The following MED12L variants were observed in gnomAD, a reference collection of about 807,000 sequenced individuals.
MED12L encodes the protein mediator complex subunit 12L, also known as mediator of RNA polymerase II transcription subunit 12-like protein.
In MED12L, 60 loss-of-function variants were observed where a neutral mutation model predicts 281.3. The ratio of observed to expected loss-of-function variants is 0.21; its 90% CI spans 0.17 to 0.26. The LOEUF (loss-of-function observed/expected upper bound fraction) is 0.26, where lower values mean the gene tolerates loss of function less well. Ranked by LOEUF, MED12L falls within the 10% of genes least tolerant of loss-of-function variation. MED12L has a pLI of 1.00. For synonymous variants in MED12L, 974 were observed against 987.2 expected, an observed-to-expected ratio of 0.99 and a Z score of 0.25; for missense variants, 2,146 against 2,680.9, an observed-to-expected ratio of 0.80 and a Z score of 4.41.
chr3:151,167,857 C>G (rs746345450), intron 11 of MED12L, among the ~76,000 whole-genome samples: 3 of 152,124 alleles, frequency 2.0e-5, no homozygotes, highest in Non-Finnish European at 2.9e-5. Context: ...GGTGAGTTAT[C>G]TGGAAGGAAA....
chr3:151,376,702 T>C (rs766798982), intron 28 of MED12L, 98 bp from the exon 29 acceptor site: 97 of 976,910 alleles, frequency 9.9e-5, no homozygotes, highest in Non-Finnish European at 1.4e-4. Flanking sequence ...TGTGTATGAT[T>C]ATTCTGCTCT....
intron 16 of MED12L, among the ~76,000 whole-genome samples, chr3:151,218,540 A>G (rs1020440759): frequency 1.3e-5 from 2 of 152,182 alleles, no homozygotes; most frequent in African/African-American, 4.8e-5. Context: ...GATCACATTT[A>G]AGAAAGATTC....
Position 151,385,054 on chromosome 3 carries a change from G to C in MED12L, c.4951G>C (p.Glu1651Gln). Residue 1651 changes from glutamate (E) to glutamine (Q), a missense_variant, in exon 36 of 45, where the codon GAA becomes CAA. This residue lies in a region of MED12L where 212 missense variants were observed against 340.8 expected (regional missense o/e 0.62). Coordinates refer to ENST00000687756, the MANE Select transcript of MED12L (RefSeq NM_001393769.1). ...LKKELGDKRS[E>Q]SIDKVRQLLP... ...GAAAGAGCTAGGAGACAAGCGATCAGAAAGTATTGACAAAGTTCGACAGTT... is the reference window on the plus strand; with the variant it reads ...GAAAGAGCTAGGAGACAAGCGATCACAAAGTATTGACAAAGTTCGACAGTT... 1 of 1,592,740 alleles carries C rather than the reference G, an allele frequency of 6.3e-7. No homozygotes were observed. The highest frequency in any genetic ancestry group is 2.2e-5 in the East Asian group (1 of 44,588).
rs1363295501 is a variant in MED12L at position 151,413,010 on chromosome 3, A to G, written c.6141-129A>G. On this transcript the variant is annotated intron_variant, in intron 41 of 44. Transcript: ENST00000687756. ...TATTTTAACCACTGGGCTTTAGTCT[A>G]TTTGAATTGTGCAAAGGATTATTGA... 9.7e-6 allele frequency: 10 copies of G among 1,029,708 alleles called. No individual in the cohort carries two copies. The East Asian group carries it at 1.5e-4, about 16-fold the overall frequency. The allele number at this position is 1,029,708 out of a possible 1,614,324, so 63.8% of individuals were successfully genotyped here.
intron 1 of MED12L, chr3:151,086,472 C>G (rs2148582281): frequency 6.7e-6 from 1 of 150,048 alleles, no homozygotes; most frequent in Non-Finnish European, 1.5e-5. Context: ...GCCTAGGCGC[C>G]AAGAAAAGTT....
In MED12L at chr3:151,411,290, G is replaced by C; in HGVS notation, c.5923G>C (p.Gly1975Arg). 1 of 1,614,156 alleles carries C rather than the reference G, an allele frequency of 6.2e-7. No individual in the cohort carries two copies. The highest frequency in any genetic ancestry group is 8.5e-7 in the Non-Finnish European group (1 of 1,180,020). Residue 1975 changes from glycine to arginine, a missense_variant, in exon 41 of 45, where the codon GGC (glycine) becomes CGC (arginine). By Grantham distance (125) the Gly-to-Arg change is moderately radical (BLOSUM62 -2). Transcript: ENST00000687756. ...GLQQAQTMPQ[G>R]YTMYGTQMPL... ...TGCCTACCTGCAGACCATGCCACAG[G>C]GCTATACAATGTATGGGACACAGAT...
At chr3:151,287,266 A>G (rs1246188283) in intron 16 of MED12L, among the ~76,000 whole-genome samples, 1 of 152,190 alleles carries the variant, frequency 6.6e-6, no homozygotes, top group Non-Finnish European at 1.5e-5. Context: ...CTCAGATGGC[A>G]CAAAGTAAGA....
chr3:151,306,547 G>C (rs1746683571), intron 16 of MED12L, among the ~76,000 whole-genome samples: 1 of 152,234 alleles, frequency 6.6e-6, no homozygotes, highest in Middle Eastern at 3.2e-3. Flanking sequence ...GGCTATGGGA[G>C]GACAACATCC....
intron 16 of MED12L, among the ~76,000 whole-genome samples, chr3:151,282,583 A>G (rs553684443): frequency 6.6e-6 from 1 of 152,316 alleles, no homozygotes; most frequent in South Asian, 2.1e-4. Context: ...ATTGTCCTCT[A>G]TAGGATCTCT....
At chr3:151,334,180 TTTTC>T (rs1015716059) in intron 16 of MED12L, among the ~76,000 whole-genome samples, 11 of 112,020 alleles carry the variant, frequency 9.8e-5, no homozygotes, top group Middle Eastern at 4.5e-3. Flanking sequence ...GTTATGTGTT[TTTTC>T]TTTCTTTCTT....
At chr3:151,327,885 A>G (rs747162326) in intron 16 of MED12L, 3 of 808,670 alleles carry the variant, frequency 3.7e-6, no homozygotes, top group Admixed American at 2.7e-5. Context: ...GGATAATAAA[A>G]TGTAAGAGAG....
intron 19 of MED12L, among the ~76,000 whole-genome samples, chr3:151,356,757 G>GCC (rs1560070853): frequency 6.6e-6 from 1 of 151,944 alleles, no homozygotes; most frequent in Admixed American, 6.6e-5. Context: ...GATTTGATTT[G>GCC]CCCCACTGTG....
At chr3:151,183,681 A>T (rs1047771613) in intron 11 of MED12L, among the ~76,000 whole-genome samples, 1 of 152,272 alleles carries the variant, frequency 6.6e-6, no homozygotes, top group Non-Finnish European at 1.5e-5. Context: ...TACTGATCAC[A>T]TACAGTTCTT....
chr3:151,239,599 A>G (rs1733661706), intron 16 of MED12L, among the ~76,000 whole-genome samples: 1 of 152,234 alleles, frequency 6.6e-6, no homozygotes, highest in African/African-American at 2.4e-5. Context: ...TAAAAGTTTT[A>G]TAACTGTCAC....
intron 16 of MED12L, among the ~76,000 whole-genome samples, chr3:151,267,424 GT>G (rs1740048840): frequency 6.6e-6 from 1 of 152,066 alleles, no homozygotes; most frequent in Admixed American, 6.6e-5. Flanking sequence ...AAGGTTATAT[GT>G]TACTTTCTCT....
chr3:151,224,415 G>C (rs912991463), intron 16 of MED12L, among the ~76,000 whole-genome samples: 1 of 149,284 alleles, frequency 6.7e-6, no homozygotes. Flanking sequence ...TTTTCTTGCT[G>C]CTTTAATCTC....
At chr3:151,184,105 C>T (rs959364065) in intron 11 of MED12L, among the ~76,000 whole-genome samples, 1 of 152,140 alleles carries the variant, frequency 6.6e-6, no homozygotes, top group Non-Finnish European at 1.5e-5. Context: ...AACAGAGCTC[C>T]CTTTGAGGTA....
chr3:151,377,067 C>T lies in MED12L; in HGVS notation c.4205C>T (p.Ser1402Phe), dbSNP rs773748318. 1 of 1,613,956 alleles carries T rather than the reference C, an allele frequency of 6.2e-7. No homozygotes were observed. The highest frequency in any genetic ancestry group is 2.2e-5 in the East Asian group (1 of 44,874). ...GCAACAATAGAGGTATTCCAGCAGT[C>T]TGCAGACCTAAATAATTCTTCTAAT... Reference protein sequence around the residue: ...AKATIEVFQQSADLNNSSNSG... With the variant: ...AKATIEVFQQFADLNNSSNSG... Residue 1402 changes from serine to phenylalanine, a missense_variant, in exon 30 of 45, where the codon TCT (serine) becomes TTT (phenylalanine). Physicochemically the swap from Ser to Phe is radical, Grantham distance 155. Coordinates refer to ENST00000687756, the MANE Select transcript of MED12L (RefSeq NM_001393769.1).
chr3:151,164,049 T>G lies in MED12L; in HGVS notation c.1257+7T>G, dbSNP rs1057179340. ...CACGGCTTTCAATCAGCAGGTAGAC[T>G]TTATGTTTCAGTGATTTGATGGCTG... On this transcript the variant is annotated splice_region_variant and intron_variant, in intron 9 of 44. Coordinates refer to ENST00000687756, the MANE Select transcript of MED12L (RefSeq NM_001393769.1). 8 of 1,611,612 alleles carry G rather than the reference T, an allele frequency of 5.0e-6. No individual in the cohort carries two copies. Among genetic ancestry groups the G allele is most frequent in the Non-Finnish European group, 6.8e-6 (8 of 1,178,634 alleles).
Sources: gnomAD v4.1 joint callset for allele counts (sites outside exome capture counted in the v4.1 genomes callset) on GRCh38, gnomAD v4.1.1 for gene constraint, gnomAD v4.1.1 regional missense constraint, MANE v1.5 for transcripts, NCBI Gene and HGNC (gene_info 2026-07-23, HGNC 2026-07-21) for gene names.